The following ERGIC2 variants were observed in gnomAD, a reference collection of about 807,000 sequenced individuals.
ERGIC2 encodes endoplasmic reticulum-Golgi intermediate compartment protein 2.
A neutral mutation model predicts 52.5 loss-of-function variants in ERGIC2; 31 were observed. The ratio of observed to expected loss-of-function variants is 0.59; its 90% confidence interval spans 0.44 to 0.80. The LOEUF is 0.80. ERGIC2 is among the 30% of genes least tolerant of loss of function. The pLI is 0.00. For synonymous variants in ERGIC2, 129 were observed against 140.6 expected (o/e 0.92, Z 0.58); for missense variants, 395 against 455.2 (o/e 0.87, Z 1.20).
At chr12:29,359,238 G>C (rs1051028823) in intron 6 of ERGIC2, among the ~76,000 whole-genome samples, 7 of 151,766 alleles carry the variant, frequency 4.6e-5, no homozygotes, top group African/African-American at 1.7e-4. Context: ...TAAAGACATT[G>C]AATCTTTGAC....
Position 29,337,407 on chromosome 12 carries a change from T to G in ERGIC2, c.*3749A>C, listed in dbSNP as rs953110321. On this transcript the variant is annotated 3_prime_UTR_variant, in exon 14 of 14. Coordinates refer to ENST00000360150, the MANE Select transcript of ERGIC2 (RefSeq NM_016570.3). ...TGTTTATGCTTGCAATACTAAATATTTTGTTTTTTCTCTCAAGACAAAAAA... is the reference window on the plus strand; with the variant it reads ...TGTTTATGCTTGCAATACTAAATATGTTGTTTTTTCTCTCAAGACAAAAAA... 1 of 128,486 alleles carries G rather than the reference T, an allele frequency of 7.8e-6. No individual in the cohort carries two copies. Among genetic ancestry groups the G allele is most frequent in the Non-Finnish European group, 1.6e-5 (1 of 64,010 alleles). 8.0% of individuals were successfully genotyped at this position (128,486 alleles called of 1,614,324 possible).
intron 2 of ERGIC2, among the ~76,000 whole-genome samples, chr12:29,371,096 T>C (rs1179961500): frequency 6.6e-6 from 1 of 152,134 alleles, no homozygotes; most frequent in East Asian, 1.9e-4. Flanking sequence ...ATTATTTATT[T>C]TACTTAACTG....
At chr12:29,380,287 G>A (rs954188374) in intron 1 of ERGIC2, among the ~76,000 whole-genome samples, 1 of 152,080 alleles carries the variant, frequency 6.6e-6, no homozygotes, top group Non-Finnish European at 1.5e-5. Context: ...TATCAGGCTA[G>A]GCAATTAACT....
chr12:29,364,857 C>T (rs941045252), intron 5 of ERGIC2, among the ~76,000 whole-genome samples: 1 of 151,188 alleles, frequency 6.6e-6, no homozygotes, highest in African/African-American at 2.4e-5. Context: ...AGAAATGCTC[C>T]ATATCAGTAA....
chr12:29,372,495 T>G (rs1186155518), intron 1 of ERGIC2: 3 of 152,106 alleles, frequency 2.0e-5, no homozygotes, highest in Non-Finnish European at 4.4e-5. Flanking sequence ...AAATGCCCAT[T>G]GAGGAATTTA....
chr12:29,353,300 A>C (rs1406159227), intron 8 of ERGIC2, among the ~76,000 whole-genome samples: 1 of 152,208 alleles, frequency 6.6e-6, no homozygotes, highest in Non-Finnish European at 1.5e-5. Context: ...CTAAAAAGAA[A>C]GTCTACTGTC....
intron 5 of ERGIC2, among the ~76,000 whole-genome samples, chr12:29,364,324 T>G (rs959437960): frequency 6.6e-6 from 1 of 152,152 alleles, no homozygotes; most frequent in African/African-American, 2.4e-5. Flanking sequence ...CCATTTGATC[T>G]TTGACAAAAT....
At position 29,340,187 on chromosome 12, in the gene ERGIC2, T is replaced by A. The variant is rs1013611324; in HGVS notation, c.*969A>T. On this transcript the variant is annotated 3_prime_UTR_variant, in exon 14 of 14. Transcript: ENST00000360150. ...CATGGCACCTCTCAAATCTGATATA[T>A]CTTGTGGTGCTTACAATTTGCCTTA... 6 of 152,148 alleles carry A rather than the reference T, an allele frequency of 3.9e-5. No individual in the cohort carries two copies. The highest frequency in any genetic ancestry group is 9.7e-5 in the African/African-American group (4 of 41,438). The allele number at this position is 152,148 out of a possible 1,614,324, so 9.4% of individuals were successfully genotyped here.
chr12:29,356,714 T>C (rs912289649), intron 7 of ERGIC2, among the ~76,000 whole-genome samples: 1 of 152,150 alleles, frequency 6.6e-6, no homozygotes, highest in Non-Finnish European at 1.5e-5. Context: ...CCATGGTTCT[T>C]CAACTCTAAC....
intron 1 of ERGIC2, among the ~76,000 whole-genome samples, chr12:29,377,682 CA>C (rs903114452): frequency 1.3e-5 from 2 of 152,144 alleles, no homozygotes; most frequent in African/African-American, 4.8e-5. Flanking sequence ...CTTCCTAAGA[CA>C]TAAGAGACTC....
chr12:29,347,139 T>G (rs879548788), intron 10 of ERGIC2, among the ~76,000 whole-genome samples: 1 of 152,198 alleles, frequency 6.6e-6, no homozygotes, highest in East Asian at 1.9e-4. Context: ...TCTCCACTTC[T>G]CTCTCACTCA....
chr12:29,377,845 CTCAGT>C (rs1413358413), intron 1 of ERGIC2, among the ~76,000 whole-genome samples: 10 of 152,160 alleles, frequency 6.6e-5, no homozygotes, highest in African/African-American at 2.2e-4. Flanking sequence ...TTATAGTCTG[CTCAGT>C]TAAGTTTAAT....
intron 5 of ERGIC2, among the ~76,000 whole-genome samples, chr12:29,366,371 G>A (rs1940362453): frequency 6.6e-6 from 1 of 151,922 alleles, no homozygotes; most frequent in African/African-American, 2.4e-5. Context: ...CACACGCTGA[G>A]GGAAATAGAG....
chr12:29,365,248 A>G (rs1940343565), intron 5 of ERGIC2, among the ~76,000 whole-genome samples: 1 of 152,172 alleles, frequency 6.6e-6, no homozygotes, highest in African/African-American at 2.4e-5. Flanking sequence ...AATGTGGTAT[A>G]CATGCACCAG....
In ERGIC2 at chr12:29,341,715, T is replaced by C. The variant is rs367815342; in HGVS notation, c.1071+19A>G. 116 of 1,295,108 alleles carry C rather than the reference T, an allele frequency of 9.0e-5. No homozygotes were observed. The highest frequency in any genetic ancestry group is 3.6e-4 in the Admixed American group (21 of 58,736). 80.2% of individuals were successfully genotyped at this position (1,295,108 alleles called of 1,614,324 possible). On this transcript the variant is annotated intron_variant, in intron 13 of 13. Coordinates refer to ENST00000360150, the MANE Select transcript of ERGIC2 (RefSeq NM_016570.3). ...TTCTAAGATTTAGAGATCAGCACCATGTATACTACACCACTTACAGAATTG... is the reference window on the plus strand; with the variant it reads ...TTCTAAGATTTAGAGATCAGCACCACGTATACTACACCACTTACAGAATTG...
Position 29,337,607 on chromosome 12 carries a change from TTTGA to T in ERGIC2, c.*3545_*3548del, listed in dbSNP as rs1949806353. The T allele has an allele frequency of 6.6e-6, 1 of 152,154 alleles. No individual in the cohort carries two copies. Among genetic ancestry groups the T allele is most frequent in the South Asian group, 2.1e-4 (1 of 4,834 alleles). The allele number at this position is 152,154 out of a possible 1,614,324, so 9.4% of individuals were successfully genotyped here. A position where few individuals can be genotyped will look rare whatever the true frequency, so the allele number is the denominator to read the frequency against. ...AGTAAACAACTGGTGACCTCTCTAT[TTTGA>T]TTGTGTTGAAAAAGGGCTACCACCT... On this transcript the variant is annotated 3_prime_UTR_variant, in exon 14 of 14. Transcript: ENST00000360150.
Position 29,343,110 on chromosome 12 carries a change from G to T in ERGIC2, c.988+10C>A. On this transcript the variant is annotated intron_variant, in intron 12 of 13. Coordinates refer to ENST00000360150, the MANE Select transcript of ERGIC2 (RefSeq NM_016570.3). ...TTCAGAAATTAGACAAAAAGGAAAT[G>T]GTTGTTAACCTGTTGTTGAAAAGAT... The T allele has an allele frequency of 1.3e-6, 2 of 1,563,990 alleles. No individual in the cohort carries two copies. Among genetic ancestry groups the T allele is most frequent in the African/African-American group, 1.4e-5 (1 of 73,194 alleles).
chr12:29,356,533 A>G, intron 7 of ERGIC2, 56 bp from the exon 8 acceptor site: 2 of 886,260 alleles, frequency 2.3e-6, no homozygotes, highest in South Asian at 1.7e-5. Context: ...CCATTTTATG[A>G]TGAGAAAAAT....
chr12:29,371,388 G>A, intron 2 of ERGIC2, 140 bp downstream of exon 2: 1 of 559,776 alleles, frequency 1.8e-6, no homozygotes. Flanking sequence ...CAACAGAGTG[G>A]CATGAAGACA....
Sources: gnomAD v4.1 joint callset for allele counts (sites outside exome capture counted in the v4.1 genomes callset) on GRCh38, gnomAD v4.1.1 for gene constraint, MANE v1.5 for transcripts, NCBI Gene and HGNC (gene_info 2026-07-23, HGNC 2026-07-21) for gene names.